BBOF1: variants seen among roughly 807,000 people sequenced by gnomAD.
BBOF1 encodes the protein basal body orientation factor 1.
In BBOF1, 62 loss-of-function variants were observed where a neutral mutation model predicts 68.0. That is an observed-to-expected ratio of 0.91 (90% CI 0.74 to 1.13). The LOEUF is 1.13. BBOF1 is among the 50% of genes most tolerant of loss of function. The pLI, the probability that BBOF1 is intolerant of heterozygous loss-of-function variation, is 0.00. For synonymous variants in BBOF1, 208 were observed against 198.8 expected (o/e 1.05, Z -0.39); for missense variants, 534 against 600.1 (o/e 0.89, Z 1.15).
intron 4 of BBOF1, among the ~76,000 whole-genome samples, chr14:74,036,724 T>C (rs2059708966): frequency 1.3e-5 from 2 of 149,036 alleles, no homozygotes; most frequent in Admixed American, 6.7e-5. Context: ...GTTCCTCCAC[T>C]GTAAACAGAA....
chr14:74,057,772 T>C lies in BBOF1; in HGVS notation c.1578+514T>C. The C allele has an allele frequency of 5.4e-6, 6 of 1,103,266 alleles. No homozygotes were observed. The South Asian group carries it at 1.4e-4, about 25-fold the overall frequency. 68.3% of individuals were successfully genotyped at this position (1,103,266 alleles called of 1,614,324 possible). A position where few individuals can be genotyped will look rare whatever the true frequency, so the allele number is the denominator to read the frequency against. On this transcript the variant is annotated intron_variant, in intron 11 of 11. Transcript: ENST00000394009. Reference sequence around the variant, plus strand: ...ATTAGAACAAAAAGAAAATACTGACTTTTTAGCCGCGATCACATGAATATA... The same window carrying C: ...ATTAGAACAAAAAGAAAATACTGACCTTTTAGCCGCGATCACATGAATATA...
chr14:74,032,505 T>C (rs1393765886), intron 3 of BBOF1, among the ~76,000 whole-genome samples: 1 of 147,018 alleles, frequency 6.8e-6, no homozygotes, highest in Non-Finnish European at 1.5e-5. Context: ...TTTTTTTTTC[T>C]TTTTTTGAGG....
At chr14:74,074,915 T>C in intron 9 of BBOF1, 1 of 1,591,232 alleles carries the variant, frequency 6.3e-7, no homozygotes, top group Non-Finnish European at 8.6e-7. Flanking sequence ...CTATACTGAA[T>C]TCCTTCTCAG....
chr14:74,066,085 C>A lies in BBOF1; in HGVS notation c.*1386C>A. 6.5e-6 allele frequency: 1 copy of A among 154,084 alleles called. No individual in the cohort carries two copies. Among genetic ancestry groups the A allele is most frequent in the Non-Finnish European group, 1.4e-5 (1 of 69,140 alleles). The allele number at this position is 154,084 out of a possible 1,614,324, so 9.5% of individuals were successfully genotyped here. A position where few individuals can be genotyped will look rare whatever the true frequency, so the allele number is the denominator to read the frequency against. ...CAAAGTTTTGATAAATAAAAATTGA[C>A]AAGTCAATTATTTTTGTCACTTTCA... On this transcript the variant is annotated 3_prime_UTR_variant, in exon 12 of 12. Coordinates refer to ENST00000394009, the MANE Select transcript of BBOF1 (RefSeq NM_025057.3).
chr14:74,045,159 A>G (rs900277401), intron 5 of BBOF1, among the ~76,000 whole-genome samples: 1 of 152,178 alleles, frequency 6.6e-6, no homozygotes, highest in Admixed American at 6.6e-5. Flanking sequence ...GCACATAGTA[A>G]ATGCTCAAAA....
At chr14:74,059,488 G>T in intron 11 of BBOF1, 1 of 429,174 alleles carries the variant, frequency 2.3e-6, no homozygotes, top group South Asian at 1.7e-5. Flanking sequence ...CTGAGGTCAG[G>T]AGTTCGAGAC....
intron 9 of BBOF1, 66 bp downstream of exon 9, chr14:74,055,751 A>G: frequency 7.8e-7 from 1 of 1,278,758 alleles, no homozygotes; most frequent in Admixed American, 1.9e-5. Flanking sequence ...TTAGGAACAA[A>G]GAACTTATTT....
At chr14:74,028,982 T>C (rs2059502603) in intron 2 of BBOF1, among the ~76,000 whole-genome samples, 2 of 152,050 alleles carry the variant, frequency 1.3e-5, no homozygotes, top group Admixed American at 1.3e-4. Context: ...GTTGACCAGG[T>C]ACTTCTGATG....
At chr14:74,056,825 A>AT in intron 9 of BBOF1, 81 bp from the exon 10 acceptor site, 3 of 945,538 alleles carry the variant, frequency 3.2e-6, no homozygotes, top group Non-Finnish European at 4.8e-6. Context: ...ATAAAAAAAA[A>AT]TTAAAATACA....
rs767394238 is a variant in BBOF1 at position 74,046,147 on chromosome 14, T to C, written c.647+17T>C. The C allele has an allele frequency of 1.0e-5, 16 of 1,586,746 alleles. No homozygotes were observed. Among genetic ancestry groups the C allele is most frequent in the Middle Eastern group, 1.7e-4 (1 of 6,002 alleles). On this transcript the variant is annotated intron_variant, in intron 6 of 11. Transcript: ENST00000394009. ...GGCTATTGTGTAAGAGACTGCTGCC[T>C]ACTTTCTGACTCTGATTACCTCTCT...
intron 2 of BBOF1, among the ~76,000 whole-genome samples, chr14:74,027,050 A>T (rs1309979592): frequency 6.6e-6 from 1 of 150,934 alleles, no homozygotes; most frequent in Non-Finnish European, 1.5e-5. Flanking sequence ...ACTAATAAAC[A>T]CATACATGAA....
In BBOF1 at chr14:74,075,034, C is replaced by T. The variant is rs755536089; in HGVS notation, n.1380-3162C>T. On this transcript the variant is annotated intron_variant and non_coding_transcript_variant, in intron 9 of 12. Coordinates refer to the BBOF1 transcript ENST00000492026. ...GGAAGAAACCTGTGAGGCAAAAGAA[C>T]GATTATTTTGATAAATGAGAGCAGA... The T allele has an allele frequency of 4.8e-5, 78 of 1,611,812 alleles. 1 individual carries two copies. The Admixed American group carries it at 8.2e-4, about 17-fold the overall frequency.
chr14:74,025,632 G>A (rs2059406233), intron 2 of BBOF1, among the ~76,000 whole-genome samples: 1 of 152,250 alleles, frequency 6.6e-6, no homozygotes, highest in South Asian at 2.1e-4. Context: ...AGTTTTATGT[G>A]ATTTAGGATT....
chr14:74,020,961 G>T (rs1186746379), intron 1 of BBOF1, among the ~76,000 whole-genome samples: 1 of 152,170 alleles, frequency 6.6e-6, no homozygotes, highest in East Asian at 1.9e-4. Context: ...AGAACAAAAG[G>T]TGAAAGTGGG....
intron 5 of BBOF1, among the ~76,000 whole-genome samples, chr14:74,042,825 CTT>C (rs1043929864): frequency 2.0e-5 from 3 of 151,412 alleles, no homozygotes; most frequent in African/African-American, 7.3e-5. Context: ...CTCTCTTCCT[CTT>C]TCTCTCTCTC....
chr14:74,037,053 A>G (rs1341582243), intron 4 of BBOF1, among the ~76,000 whole-genome samples: 2 of 139,570 alleles, frequency 1.4e-5, no homozygotes, highest in African/African-American at 2.7e-5. Context: ...GCTCACTGCA[A>G]CCTCTGCCTC....
chr14:74,064,954 G>A lies in BBOF1; in HGVS notation c.*255G>A, dbSNP rs2060436035. On this transcript the variant is annotated 3_prime_UTR_variant, in exon 12 of 12. Transcript: ENST00000394009. ...GAACAAATCCGTGTCATATCCTAAG[G>A]ACAAAGGAACTCTCCATTTAGAAAC... The A allele has an allele frequency of 1.3e-6, 2 of 1,585,630 alleles. No individual in the cohort carries two copies. Among genetic ancestry groups the A allele is most frequent in the Non-Finnish European group, 1.7e-6 (2 of 1,156,292 alleles).
At chr14:74,032,213 G>T (rs1053167035) in intron 3 of BBOF1, among the ~76,000 whole-genome samples, 1 of 136,700 alleles carries the variant, frequency 7.3e-6, no homozygotes, top group Non-Finnish European at 1.5e-5. Context: ...TGCAACTTCC[G>T]CCTCCCGGGT....
chr14:74,074,487 A>C (rs2060590144), intron 9 of BBOF1, among the ~76,000 whole-genome samples: 1 of 148,676 alleles, frequency 6.7e-6, no homozygotes, highest in African/African-American at 2.5e-5. Flanking sequence ...TGGTTTCCCC[A>C]TGTTGGCCAG....
Sources: allele counts gnomAD v4.1 joint callset (sites outside exome capture counted in the v4.1 genomes callset), GRCh38; gene constraint gnomAD v4.1.1; transcripts MANE v1.5; gene names NCBI Gene and HGNC (gene_info 2026-07-23, HGNC 2026-07-21).